AGTPBP1: variants seen among roughly 807,000 people sequenced by gnomAD.
AGTPBP1 encodes the protein ATP/GTP binding carboxypeptidase 1, also known as cytosolic carboxypeptidase 1.
In AGTPBP1, 70 loss-of-function variants were observed where a neutral mutation model predicts 143.9. The ratio of observed to expected loss-of-function variants is 0.49; its 90% CI spans 0.40 to 0.59. The LOEUF (loss-of-function observed/expected upper bound fraction) is 0.59. Ranked by LOEUF, AGTPBP1 falls within the 20% of genes least tolerant of loss-of-function variation. The probability of loss-of-function intolerance (pLI) is 0.00; values close to 1 mark genes in which losing one functional copy is unlikely to be tolerated. For missense variants in AGTPBP1, 1,229 were observed against 1,464.5 expected (o/e 0.84, Z 2.62); for synonymous variants, 463 against 500.2 (o/e 0.93, Z 0.99).
intron 18 of AGTPBP1, among the ~76,000 whole-genome samples, chr9:85,593,819 A>G (rs1213416700): frequency 6.6e-6 from 1 of 152,184 alleles, no homozygotes; most frequent in Admixed American, 6.5e-5. Context: ...TTAAAACTAT[A>G]CATTACCTTC....
intron 23 of AGTPBP1, among the ~76,000 whole-genome samples, chr9:85,582,273 G>C (rs1467036620): frequency 6.6e-6 from 1 of 152,076 alleles, no homozygotes; most frequent in African/African-American, 2.4e-5. Flanking sequence ...ATCTCACATT[G>C]CATTTAGTTA....
chr9:85,768,249 C>T, the AGTPBP1 span, among the ~76,000 whole-genome samples: 10 of 152,254 alleles, frequency 6.6e-5, no homozygotes, highest in African/African-American at 1.7e-4. Context: ...TGAATTTATA[C>T]GAAATTGTCC....
intron 25 of AGTPBP1, among the ~76,000 whole-genome samples, chr9:85,555,126 G>A (rs1210582076): frequency 6.6e-6 from 1 of 152,160 alleles, no homozygotes; most frequent in Non-Finnish European, 1.5e-5. Context: ...AGCTAAGGGT[G>A]GGGAATTTTC....
the AGTPBP1 span, among the ~76,000 whole-genome samples, chr9:85,783,286 G>A: frequency 6.6e-6 from 1 of 152,086 alleles, no homozygotes; most frequent in South Asian, 2.1e-4. Flanking sequence ...ATTCTACCTA[G>A]AAACATTTAA....
intron 3 of AGTPBP1, among the ~76,000 whole-genome samples, chr9:85,682,816 A>T (rs1034681323): frequency 6.6e-6 from 1 of 152,210 alleles, no homozygotes; most frequent in African/African-American, 2.4e-5. Context: ...TTTTGTTCTG[A>T]GCAAATCCTG....
intron 13 of AGTPBP1, among the ~76,000 whole-genome samples, chr9:85,640,698 T>C (rs200515457): frequency 2.0e-5 from 3 of 148,458 alleles, no homozygotes; most frequent in Non-Finnish European, 4.4e-5. Flanking sequence ...AAACTATAAT[T>C]AGAAAACAGG....
At chr9:85,766,386 T>G in the AGTPBP1 span, among the ~76,000 whole-genome samples, 1 of 152,134 alleles carries the variant, frequency 6.6e-6, no homozygotes, top group Admixed American at 6.5e-5. Context: ...CACTGGCAGA[T>G]ACAAGAAAGA....
chr9:85,639,351 C>A (rs1344496995), intron 13 of AGTPBP1, among the ~76,000 whole-genome samples: 175 of 138,964 alleles, frequency 1.3e-3, no homozygotes, highest in Middle Eastern at 7.7e-3. Flanking sequence ...ATACACACAC[C>A]CATGCGCGCG....
At chr9:85,688,187 A>G (rs1835620165) in intron 3 of AGTPBP1, among the ~76,000 whole-genome samples, 2 of 151,866 alleles carry the variant, frequency 1.3e-5, no homozygotes, top group African/African-American at 4.8e-5. Flanking sequence ...AAAAGAAGGA[A>G]ATCAATGAAA....
chr9:85,762,471 G>A, the AGTPBP1 span, among the ~76,000 whole-genome samples: 1 of 152,140 alleles, frequency 6.6e-6, no homozygotes. Context: ...GTCCTTTGTA[G>A]GGACATGGAT....
rs1308152896 is a variant in AGTPBP1 at position 85,728,028 on chromosome 9, TATACAC to T, written c.-34+13741_-34+13746del. Among the ~76,000 whole-genome samples the T allele has an allele frequency of 8.5e-3, 1,024 of 120,894 alleles. 4 individuals are homozygous for T. Among genetic ancestry groups the T allele is most frequent in the African/African-American group, 0.016 (412 of 25,778 alleles). The allele number at this position is 120,894 out of a possible 152,430, so 79.3% of individuals were successfully genotyped here. A position where few individuals can be genotyped will look rare whatever the true frequency, so the allele number is the denominator to read the frequency against. On this transcript the variant is annotated intron_variant, in intron 1 of 25. Coordinates refer to ENST00000357081, the MANE Select transcript of AGTPBP1 (RefSeq NM_001330701.2). Reference sequence around the variant, plus strand: ...GACCGTGTCTCAAAATATATATTTATATACACACACACACACACACACACACACACA... The same window carrying T: ...GACCGTGTCTCAAAATATATATTTATACACACACACACACACACACACACA...
intron 13 of AGTPBP1, among the ~76,000 whole-genome samples, chr9:85,639,465 T>G (rs887942064): frequency 1.4e-5 from 2 of 144,594 alleles, no homozygotes; most frequent in African/African-American, 5.2e-5. Context: ...AAAAAGAAAA[T>G]AAAAAAGAAT....
chr9:85,696,819 A>C (rs1403222615), intron 2 of AGTPBP1, among the ~76,000 whole-genome samples: 1 of 152,260 alleles, frequency 6.6e-6, no homozygotes, highest in East Asian at 1.9e-4. Context: ...AACAGAGTAC[A>C]AAAGTTCACT....
At chr9:85,620,799 G>T (rs778060430) in intron 15 of AGTPBP1, among the ~76,000 whole-genome samples, 8 of 152,266 alleles carry the variant, frequency 5.3e-5, no homozygotes, top group African/African-American at 1.9e-4. Context: ...ATGCTCCTTC[G>T]AAAGGGATGG....
chr9:85,790,346 A>ATCT, the AGTPBP1 span, among the ~76,000 whole-genome samples: 1 of 152,174 alleles, frequency 6.6e-6, no homozygotes, highest in Admixed American at 6.5e-5. Flanking sequence ...GACTTTTCAT[A>ATCT]GGTTTTGTTG....
intron 1 of AGTPBP1, among the ~76,000 whole-genome samples, chr9:85,714,947 A>ATCC (rs779129465): frequency 6.6e-6 from 1 of 152,164 alleles, no homozygotes; most frequent in Non-Finnish European, 1.5e-5. Context: ...TTATAATAGC[A>ATCC]GCTTATCAAA....
intron 1 of AGTPBP1, among the ~76,000 whole-genome samples, chr9:85,740,783 A>T (rs1215373395): frequency 6.6e-6 from 1 of 152,254 alleles, no homozygotes; most frequent in East Asian, 1.9e-4. Flanking sequence ...AAACACAACT[A>T]CAATGTTAAA....
chr9:85,600,848 A>G, intron 17 of AGTPBP1, among the ~76,000 whole-genome samples: 2 of 152,214 alleles, frequency 1.3e-5, no homozygotes, highest in East Asian at 3.9e-4. Flanking sequence ...CCCAACCCAC[A>G]GCCACCAATG....
intron 17 of AGTPBP1, among the ~76,000 whole-genome samples, chr9:85,604,372 G>A (rs1408733100): frequency 1.3e-5 from 2 of 152,222 alleles, no homozygotes; most frequent in African/African-American, 4.8e-5. Flanking sequence ...CACAAAGGTG[G>A]TATCTCTACA....
Sources: allele counts gnomAD v4.1 joint callset (sites outside exome capture counted in the v4.1 genomes callset), GRCh38; gene constraint gnomAD v4.1.1; transcripts MANE v1.5; gene names NCBI Gene and HGNC (gene_info 2026-07-23, HGNC 2026-07-21).